SLCO3A1: variants seen among roughly 807,000 people sequenced by gnomAD.
The protein encoded by SLCO3A1 is solute carrier organic anion transporter family member 3A1.
A neutral mutation model predicts 63.1 loss-of-function variants in SLCO3A1; 27 were observed. That is an observed-to-expected ratio of 0.43 (90% CI 0.32 to 0.59). The LOEUF (loss-of-function observed/expected upper bound fraction) is 0.59, where lower values mean the gene tolerates loss of function less well. Ranked by LOEUF, SLCO3A1 falls within the 20% of genes least tolerant of loss-of-function variation. The probability of loss-of-function intolerance (pLI) is 0.09; values close to 1 mark genes in which losing one functional copy is unlikely to be tolerated. For missense variants in SLCO3A1, 773 were observed against 945.8 expected, an observed-to-expected ratio of 0.82 and a Z score of 2.40; for synonymous variants, 473 against 409.9, an observed-to-expected ratio of 1.15 and a Z score of -1.86.
chr15:91,988,430 A>ATTTT lies in SLCO3A1; in HGVS notation c.646+71972_646+71973insTTTT, dbSNP rs2046082773. Among the ~76,000 whole-genome samples the ATTTT allele has an allele frequency of 2.0e-5, 3 of 152,200 alleles. No homozygotes were observed. The South Asian group carries it at 6.2e-4, about 32-fold the overall frequency. On this transcript the variant is annotated intron_variant, in intron 2 of 9. Transcript: ENST00000318445. ...TAAATTAACATTTAAAAATAAAACTAATTTTATTTTTAAATGTTATTTTAT... is the reference window on the plus strand; with the variant it reads ...TAAATTAACATTTAAAAATAAAACTATTTTATTTTATTTTTAAATGTTATTTTAT...
chr15:91,875,663 T>C lies in SLCO3A1; in HGVS notation c.180+21575T>C, dbSNP rs1897381727. Among the ~76,000 whole-genome samples the C allele has an allele frequency of 6.6e-6, 1 of 152,210 alleles. No individual in the cohort carries two copies. Among genetic ancestry groups the C allele is most frequent in the African/African-American group, 2.4e-5 (1 of 41,444 alleles). ...CAGTTGCTCAGTCCGTGTTTTGCTT[T>C]GAAGGTTTTGCCGTAACTCACAATA... On this transcript the variant is annotated intron_variant, in intron 1 of 9. Transcript: ENST00000318445. This position sits in a 1 kb window ranked among gnomAD's most constrained non-coding sequence, Gnocchi z 4.5.
intron 2 of SLCO3A1, among the ~76,000 whole-genome samples, chr15:92,023,138 G>A (rs1183403949): frequency 6.6e-6 from 1 of 152,216 alleles, no homozygotes; most frequent in Non-Finnish European, 1.5e-5. Flanking sequence ...CTTCAAGTGT[G>A]GCAGAAGGGC....
chr15:92,147,647 C>G (rs1045370582), intron 8 of SLCO3A1, among the ~76,000 whole-genome samples: 1 of 152,144 alleles, frequency 6.6e-6, no homozygotes, highest in Non-Finnish European at 1.5e-5. Flanking sequence ...CACATAGAGA[C>G]TTGACGGGTT....
At chr15:92,032,453 G>C (rs1311833419) in intron 2 of SLCO3A1, among the ~76,000 whole-genome samples, 3 of 152,144 alleles carry the variant, frequency 2.0e-5, no homozygotes, top group African/African-American at 7.2e-5. Flanking sequence ...CCCAGTCTAG[G>C]GCTGTGTTAT....
intron 2 of SLCO3A1, among the ~76,000 whole-genome samples, chr15:91,970,951 CATT>C (rs934899087): frequency 1.6e-4 from 24 of 152,220 alleles, no homozygotes; most frequent in Admixed American, 1.6e-3. Flanking sequence ...AGTCAGTCTT[CATT>C]ATTTGTGGTT....
chr15:92,069,121 C>T (rs2047187118), intron 2 of SLCO3A1, among the ~76,000 whole-genome samples: 1 of 144,610 alleles, frequency 6.9e-6, no homozygotes, highest in Non-Finnish European at 1.5e-5. Flanking sequence ...CCCCCCACTC[C>T]CCCCAGGGGA....
In SLCO3A1 at chr15:91,957,159, A is replaced by T. The variant is rs547063422; in HGVS notation, c.646+40701A>T. Among the ~76,000 whole-genome samples the T allele has an allele frequency of 0.011, 154 of 14,488 alleles. 14 individuals carry two copies. In the Middle Eastern group the frequency reaches 0.11, roughly 10 times the overall value. The allele number at this position is 14,488 out of a possible 152,430, so 9.5% of individuals were successfully genotyped here. A position where few individuals can be genotyped will look rare whatever the true frequency, so the allele number is the denominator to read the frequency against. Reference sequence around the variant, plus strand: ...ACTATATATTATAATATATATATATATTTTTTTTTTTAGTAGAGACGGGGT... The same window carrying T: ...ACTATATATTATAATATATATATATTTTTTTTTTTTTAGTAGAGACGGGGT... On this transcript the variant is annotated intron_variant, in intron 2 of 9. Coordinates refer to ENST00000318445, the MANE Select transcript of SLCO3A1 (RefSeq NM_013272.4).
At chr15:91,868,045 CT>C (rs199881417) in intron 1 of SLCO3A1, among the ~76,000 whole-genome samples, 2 of 151,546 alleles carry the variant, frequency 1.3e-5, no homozygotes, top group Non-Finnish European at 2.9e-5. Flanking sequence ...CAAGTTCGTG[CT>C]TTTTTTTTAA....
intron 2 of SLCO3A1, among the ~76,000 whole-genome samples, chr15:91,960,660 A>G (rs1029812174): frequency 4.6e-5 from 7 of 152,150 alleles, no homozygotes; most frequent in Admixed American, 3.9e-4. Context: ...ACTATTTCAT[A>G]TGACTAGCTG....
At chr15:91,965,504 T>G (rs1900625010) in intron 2 of SLCO3A1, among the ~76,000 whole-genome samples, 1 of 152,188 alleles carries the variant, frequency 6.6e-6, no homozygotes, top group South Asian at 2.1e-4. Flanking sequence ...ACTGTTCACT[T>G]TAGAATCCAG....
chr15:91,914,254 A>T (rs1048576810), intron 1 of SLCO3A1, among the ~76,000 whole-genome samples: 3 of 151,882 alleles, frequency 2.0e-5, no homozygotes, highest in African/African-American at 4.8e-5. Context: ...CTCTCCATGC[A>T]CTCCTGCCAT....
intron 2 of SLCO3A1, among the ~76,000 whole-genome samples, chr15:91,993,336 C>G (rs1168398057): frequency 2.0e-5 from 3 of 152,164 alleles, no homozygotes; most frequent in Non-Finnish European, 4.4e-5. Flanking sequence ...TTACAGAGCA[C>G]TTTTGGTTTG....
chr15:92,042,047 A>G (rs1392534813), intron 2 of SLCO3A1, among the ~76,000 whole-genome samples: 1 of 152,152 alleles, frequency 6.6e-6, no homozygotes, highest in Non-Finnish European at 1.5e-5. Flanking sequence ...AAGAGGTCCA[A>G]GAGGTCTCAG....
intron 7 of SLCO3A1, among the ~76,000 whole-genome samples, chr15:92,142,365 G>A (rs1340516974): frequency 6.6e-6 from 1 of 152,172 alleles, no homozygotes; most frequent in African/African-American, 2.4e-5. Context: ...AACTGCTGAT[G>A]GATCTGACAT....
At chr15:92,073,885 G>A (rs1478940200) in intron 2 of SLCO3A1, among the ~76,000 whole-genome samples, 3 of 152,320 alleles carry the variant, frequency 2.0e-5, no homozygotes, top group East Asian at 1.9e-4. Context: ...ACCTATGCTC[G>A]AGGTCAGGCA....
At chr15:92,080,060 G>A (rs1485990913) in intron 2 of SLCO3A1, among the ~76,000 whole-genome samples, 1 of 152,248 alleles carries the variant, frequency 6.6e-6, no homozygotes, top group African/African-American at 2.4e-5. Flanking sequence ...AGGCCTGGCT[G>A]GGCCTGGAGA....
intron 2 of SLCO3A1, among the ~76,000 whole-genome samples, chr15:91,924,532 C>A (rs768891664): frequency 6.6e-6 from 1 of 151,816 alleles, no homozygotes; most frequent in Non-Finnish European, 1.5e-5. Flanking sequence ...AAATAAAACA[C>A]GAAAAAAGAA....
At position 91,865,740 on chromosome 15, in the gene SLCO3A1, C is replaced by CT. The variant is rs1405897144; in HGVS notation, c.180+11653dup. 6.6e-6 allele frequency among the ~76,000 whole-genome samples: 1 copy of CT among 152,202 alleles called. No individual in the cohort carries two copies. Among genetic ancestry groups the CT allele is most frequent in the Non-Finnish European group, 1.5e-5 (1 of 68,040 alleles). Reference sequence around the variant, plus strand: ...CGGTCACATTGGATTAGGGCTCACCCTAATGACCTCATGTGACTAGCTTAC... The same window carrying CT: ...CGGTCACATTGGATTAGGGCTCACCCTTAATGACCTCATGTGACTAGCTTAC... On this transcript the variant is annotated intron_variant, in intron 1 of 9. Coordinates refer to ENST00000318445, the MANE Select transcript of SLCO3A1 (RefSeq NM_013272.4). This position sits in a 1 kb window ranked among gnomAD's most constrained non-coding sequence, Gnocchi z 4.6.
At position 92,057,682 on chromosome 15, in the gene SLCO3A1, G is replaced by A. The variant is rs150942475; in HGVS notation, c.647-37199G>A. 6.1e-3 allele frequency among the ~76,000 whole-genome samples: 926 copies of A among 152,280 alleles called. 9 individuals carry two copies. Among genetic ancestry groups the A allele is most frequent in the African/African-American group, 0.021 (874 of 41,550 alleles). On this transcript the variant is annotated intron_variant, in intron 2 of 9. Transcript: ENST00000318445. The stretch of plus-strand genomic sequence containing the variant: ...TTGACCAGAATGTCTGCTGCTTCTT[G>A]ATGCGAGTTCTCCTAGAACCTCATG...
Sources: allele counts gnomAD v4.1 joint callset (sites outside exome capture counted in the v4.1 genomes callset), GRCh38; gene constraint gnomAD v4.1.1; non-coding constraint Gnocchi (gnomAD v3.1); transcripts MANE v1.5; gene names NCBI Gene and HGNC (gene_info 2026-07-23, HGNC 2026-07-21).